SLC1A2: variants seen among roughly 807,000 people sequenced by gnomAD.
SLC1A2 encodes the protein excitatory amino acid transporter 2.
SLC1A2 carries 15 observed loss-of-function variants against 48.8 expected under a neutral mutation model. That is an observed-to-expected ratio of 0.31 (90% confidence interval 0.21 to 0.47). The LOEUF (loss-of-function observed/expected upper bound fraction) is 0.47. Ranked by LOEUF, SLC1A2 falls within the 20% of genes least tolerant of loss-of-function variation. The pLI is 0.99. For synonymous variants in SLC1A2, 279 were observed against 272.6 expected (o/e 1.02, Z -0.23); for missense variants, 502 against 730.5 (o/e 0.69, Z 3.61).
chr11:35,363,570 G>C (rs1226766051), intron 1 of SLC1A2, among the ~76,000 whole-genome samples: 1 of 152,086 alleles, frequency 6.6e-6, no homozygotes, highest in African/African-American at 2.4e-5. Context: ...CATCTGGCTT[G>C]GTCTCAAAAT....
chr11:35,326,211 C>T (rs3847614), intron 1 of SLC1A2, among the ~76,000 whole-genome samples: 4,695 of 152,180 alleles, frequency 0.031, 248 homozygotes, highest in African/African-American at 0.11. Context: ...TGCACTTGTC[C>T]GTGAAGGATA....
chr11:35,309,781 C>T (rs1851629583), intron 4 of SLC1A2, among the ~76,000 whole-genome samples: 1 of 152,220 alleles, frequency 6.6e-6, no homozygotes, highest in African/African-American at 2.4e-5. Context: ...GTCCTCAAGT[C>T]CTCTTCAGTG....
At chr11:35,394,484 C>T (rs959214114) in intron 1 of SLC1A2, among the ~76,000 whole-genome samples, 3 of 152,106 alleles carry the variant, frequency 2.0e-5, no homozygotes, top group Non-Finnish European at 4.4e-5. Flanking sequence ...AAAAAAAATC[C>T]CTAACTTTGG....
At chr11:35,295,764 CCTA>C (rs1447373371) in intron 6 of SLC1A2, among the ~76,000 whole-genome samples, 3 of 152,178 alleles carry the variant, frequency 2.0e-5, no homozygotes, top group Admixed American at 1.3e-4. Flanking sequence ...CTAGCCTCCA[CCTA>C]CTTTGTCTTT....
chr11:35,394,356 T>C (rs1255692481), intron 1 of SLC1A2, among the ~76,000 whole-genome samples: 1 of 151,884 alleles, frequency 6.6e-6, no homozygotes, highest in Non-Finnish European at 1.5e-5. Context: ...TGGGTGGCTG[T>C]GATGTTGGTG....
intron 1 of SLC1A2, among the ~76,000 whole-genome samples, chr11:35,323,618 A>G (rs1051103045): frequency 6.6e-6 from 1 of 152,172 alleles, no homozygotes; most frequent in African/African-American, 2.4e-5. Context: ...CATTCTAGGT[A>G]CCCACGATGG....
chr11:35,371,497 T>G (rs1854062621), intron 1 of SLC1A2, among the ~76,000 whole-genome samples: 1 of 152,182 alleles, frequency 6.6e-6, no homozygotes, highest in African/African-American at 2.4e-5. Flanking sequence ...AATTGAAACC[T>G]GAACCTGTGA....
intron 8 of SLC1A2, 120 bp from the exon 9 acceptor site, chr11:35,281,121 A>C: frequency 1.5e-6 from 2 of 1,352,396 alleles, no homozygotes; most frequent in Non-Finnish European, 9.7e-7. Flanking sequence ...CCCCCACCCC[A>C]TACTCTCCAC....
intron 4 of SLC1A2, among the ~76,000 whole-genome samples, chr11:35,311,710 T>A (rs1851693142): frequency 6.6e-6 from 1 of 152,020 alleles, no homozygotes; most frequent in Non-Finnish European, 1.5e-5. Context: ...ATTTGTATTT[T>A]TTTAAAAGTG....
At chr11:35,284,043 C>A (rs1351629828) in intron 8 of SLC1A2, among the ~76,000 whole-genome samples, 1 of 133,242 alleles carries the variant, frequency 7.5e-6, no homozygotes, top group Non-Finnish European at 1.6e-5. Flanking sequence ...GAAACTGAGG[C>A]TCCCTTATAG....
In SLC1A2 at chr11:35,361,133, C is replaced by T. The variant is rs575948859; in HGVS notation, c.18-43617G>A. ...TCAAGTGATTCACCTGCCTCAGCCTCGCAAAATGCTGGGATTATAGGCATG... is the reference window on the plus strand; with the variant it reads ...TCAAGTGATTCACCTGCCTCAGCCTTGCAAAATGCTGGGATTATAGGCATG... On this transcript the variant is annotated intron_variant, in intron 1 of 10. Transcript: ENST00000278379. 5.3e-5 allele frequency among the ~76,000 whole-genome samples: 8 copies of T among 152,236 alleles called. No individual in the cohort carries two copies. The East Asian group carries it at 9.7e-4, about 18-fold the overall frequency.
chr11:35,370,247 G>A (rs1218584725), intron 1 of SLC1A2, among the ~76,000 whole-genome samples: 1 of 152,188 alleles, frequency 6.6e-6, no homozygotes, highest in Non-Finnish European at 1.5e-5. Flanking sequence ...CTTGCTGAAG[G>A]TCAAGCATGT....
At chr11:35,292,877 C>T (rs568963547) in intron 6 of SLC1A2, among the ~76,000 whole-genome samples, 1 of 152,064 alleles carries the variant, frequency 6.6e-6, no homozygotes, top group South Asian at 2.1e-4. Flanking sequence ...TTCCTCAGTT[C>T]CTTCCTAGAA....
intron 10 of SLC1A2, among the ~76,000 whole-genome samples, chr11:35,262,769 C>T (rs779440888): frequency 6.6e-6 from 1 of 152,210 alleles, no homozygotes; most frequent in African/African-American, 2.4e-5. Context: ...CTGAACCCAA[C>T]AATTTCATTA....
At chr11:35,382,692 A>G (rs990099246) in intron 1 of SLC1A2, among the ~76,000 whole-genome samples, 12 of 152,090 alleles carry the variant, frequency 7.9e-5, no homozygotes, top group African/African-American at 2.4e-4. Context: ...GCTACATGGG[A>G]GGCTGAGGCA....
chr11:35,332,448 A>G (rs189716455), intron 1 of SLC1A2, among the ~76,000 whole-genome samples: 2 of 152,366 alleles, frequency 1.3e-5, no homozygotes, highest in East Asian at 1.9e-4. Flanking sequence ...AAATTATGAC[A>G]TCAAAGCAAG....
At chr11:35,270,143 A>G (rs1850238571) in intron 9 of SLC1A2, among the ~76,000 whole-genome samples, 1 of 152,192 alleles carries the variant, frequency 6.6e-6, no homozygotes, top group South Asian at 2.1e-4. Flanking sequence ...ATGAATTTTT[A>G]AAAAACAATA....
intron 1 of SLC1A2, among the ~76,000 whole-genome samples, chr11:35,373,935 G>A (rs1456804815): frequency 6.6e-6 from 1 of 152,204 alleles, no homozygotes; most frequent in Non-Finnish European, 1.5e-5. Flanking sequence ...ACCTAAGAAC[G>A]TCGGCTCCAA....
intron 1 of SLC1A2, among the ~76,000 whole-genome samples, chr11:35,418,073 C>T (rs1260571778): frequency 1.3e-5 from 2 of 152,176 alleles, no homozygotes; most frequent in East Asian, 3.8e-4. Flanking sequence ...TCAGGTTCTA[C>T]GAAGCCCAAA....
Sources: gnomAD v4.1 joint callset for allele counts (sites outside exome capture counted in the v4.1 genomes callset) on GRCh38, gnomAD v4.1.1 for gene constraint, MANE v1.5 for transcripts, NCBI Gene and HGNC (gene_info 2026-07-23, HGNC 2026-07-21) for gene names.